LACTB2: variants seen among roughly 807,000 people sequenced by gnomAD.
LACTB2 encodes lactamase beta 2.
Under a neutral mutation model 34.8 loss-of-function variants are expected in LACTB2, and 32 were observed. That is an observed-to-expected ratio of 0.92 (90% confidence interval 0.69 to 1.24). The LOEUF is 1.24. Among genes scored for constraint, LACTB2 ranks in the 50% most tolerant of loss-of-function variants. The probability of loss-of-function intolerance (pLI) is 0.00; values close to 1 mark genes in which losing one functional copy is unlikely to be tolerated. For synonymous variants in LACTB2, 120 were observed against 117.5 expected, an observed-to-expected ratio of 1.02 and a Z score of -0.14; for missense variants, 320 against 345.0, an observed-to-expected ratio of 0.93 and a Z score of 0.57.
intron 3 of LACTB2, among the ~76,000 whole-genome samples, chr8:70,648,981 T>C (rs1255737033): frequency 2.0e-5 from 3 of 152,158 alleles, no homozygotes; most frequent in East Asian, 1.9e-4. Flanking sequence ...GATTTCTCTA[T>C]TGCAATATTG....
At chr8:70,656,913 G>A (rs148308127) in intron 3 of LACTB2, among the ~76,000 whole-genome samples, 229 of 152,224 alleles carry the variant, frequency 1.5e-3, no homozygotes, top group African/African-American at 5.3e-3. Context: ...GATGGTAAAG[G>A]TGAAGAGCAG....
intron 3 of LACTB2, among the ~76,000 whole-genome samples, chr8:70,655,982 C>T (rs940506071): frequency 6.6e-6 from 1 of 152,104 alleles, no homozygotes; most frequent in Non-Finnish European, 1.5e-5. Flanking sequence ...TGTTTGTTGG[C>T]CATTTGCATA....
At chr8:70,646,616 G>GTT (rs71560429) in intron 3 of LACTB2, 2 of 151,578 alleles carry the variant, frequency 1.3e-5, no homozygotes, top group Non-Finnish European at 2.9e-5. Flanking sequence ...CCAATTTTCA[G>GTT]TTTTTGTTGA....
At chr8:70,657,428 A>ATTTTTTTTTTTTTTTTT (rs777806428) in intron 3 of LACTB2, among the ~76,000 whole-genome samples, 2 of 115,822 alleles carry the variant, frequency 1.7e-5, no homozygotes, top group Non-Finnish European at 3.7e-5. Flanking sequence ...CAGATCTTCT[A>ATTTTTTTTTTTTTTTTT]TTTTTTTTTT....
intron 3 of LACTB2, among the ~76,000 whole-genome samples, chr8:70,647,642 T>G (rs1471700708): frequency 1.3e-5 from 2 of 152,168 alleles, no homozygotes; most frequent in Non-Finnish European, 2.9e-5. Flanking sequence ...GAGTGATAAG[T>G]GACTTACCAG....
At position 70,657,806 on chromosome 8, in the gene LACTB2, A is replaced by G. The variant is rs1163900727; in HGVS notation, c.363T>C (p.Tyr121=). The G allele has an allele frequency of 1.6e-5, 25 of 1,612,744 alleles. No homozygotes were observed. In the Admixed American group the frequency reaches 3.3e-4, roughly 22 times the overall value. Residue 121 remains tyrosine, a synonymous_variant, in exon 3 of 7, where the codon TAT becomes TAC. Transcript: ENST00000276590. ...EEIIGNGEQQ[Y]VYLKDGDVIK... is the part of the protein sequence containing the mutation. ...TCACATCTCCATCTTTCAGATAAAC[A>G]TATTGTTGCTCTCCATTTCCTATAA...
In LACTB2 at chr8:70,661,726, C is replaced by T. The variant is rs377597349; in HGVS notation, c.286+8G>A. The stretch of plus-strand genomic sequence containing the variant: ...CCTCAATGAGCTTAATGAATGTTTT[C>T]TGTTTACCATTATTGATGCTTTTAC... On this transcript the variant is annotated splice_region_variant and intron_variant, in intron 2 of 6. Transcript: ENST00000276590. 4.9e-5 allele frequency: 79 copies of T among 1,603,454 alleles called. No individual in the cohort carries two copies. Among genetic ancestry groups the T allele is most frequent in the Non-Finnish European group, 6.7e-5 (79 of 1,176,082 alleles).
chr8:70,650,367 G>A (rs1290618363), intron 3 of LACTB2, among the ~76,000 whole-genome samples: 3 of 152,062 alleles, frequency 2.0e-5, no homozygotes, highest in African/African-American at 7.2e-5. Context: ...GAAACTAAAG[G>A]TTCAGTATTT....
At chr8:70,657,987 T>G (rs919415078) in intron 2 of LACTB2, 105 bp from the exon 3 acceptor site, 6 of 670,034 alleles carry the variant, frequency 9.0e-6, no homozygotes, top group Non-Finnish European at 1.4e-5. Flanking sequence ...GCATAAAATA[T>G]TAACATTAAG....
chr8:70,661,172 C>T (rs1413810045), intron 2 of LACTB2: 1 of 383,472 alleles, frequency 2.6e-6, no homozygotes, highest in Non-Finnish European at 5.2e-6. Context: ...CCCCTTGTGC[C>T]AAGAACACTG....
intron 3 of LACTB2, among the ~76,000 whole-genome samples, chr8:70,652,262 T>C (rs1818352814): frequency 6.6e-6 from 1 of 152,208 alleles, no homozygotes; most frequent in South Asian, 2.1e-4. Flanking sequence ...GTTATTTATA[T>C]AGAGTTGAAC....
chr8:70,640,968 A>G lies in LACTB2; in HGVS notation c.675T>C (p.Leu225=), dbSNP rs1268234048. The change falls in exon 5 of 7, where the codon CTT becomes CTC. Residue 225 remains leucine (L), a synonymous_variant. Transcript: ENST00000276590. The part of the protein sequence containing the change: ...SHRNIREQQI[L]TLFRENFEKS... ...TCTCAAAGTTCTCACGAAATAATGTAAGAATTTGCTGCTCTCGAATATTTC... is the reference window on the plus strand; with the variant it reads ...TCTCAAAGTTCTCACGAAATAATGTGAGAATTTGCTGCTCTCGAATATTTC... 6.2e-7 allele frequency: 1 copy of G among 1,609,838 alleles called. No homozygotes were observed. The highest frequency in any genetic ancestry group is 1.7e-5 in the Admixed American group (1 of 59,166).
At chr8:70,643,916 C>T (rs1818230886) in intron 4 of LACTB2, 149 bp downstream of exon 4, 2 of 647,416 alleles carry the variant, frequency 3.1e-6, no homozygotes, top group Non-Finnish European at 4.4e-6. Flanking sequence ...AAACTACCCA[C>T]TTTGGCATGC....
chr8:70,648,360 A>G (rs1413458685), intron 3 of LACTB2, among the ~76,000 whole-genome samples: 1 of 152,230 alleles, frequency 6.6e-6, no homozygotes, highest in East Asian at 1.9e-4. Flanking sequence ...AAAACAACCA[A>G]ACCCCACAGA....
At chr8:70,638,744 ATT>A (rs377700622) in intron 5 of LACTB2, 115 bp from the exon 6 acceptor site, 6,227 of 623,256 alleles carry the variant, frequency 1.0e-2, no homozygotes, top group South Asian at 0.019. Flanking sequence ...TCTTAAACAC[ATT>A]TTTTTTTTTT....
At chr8:70,639,403 G>A (rs1047711564) in intron 5 of LACTB2, among the ~76,000 whole-genome samples, 5 of 147,644 alleles carry the variant, frequency 3.4e-5, no homozygotes, top group Admixed American at 6.7e-5. Flanking sequence ...CGGGTGATCC[G>A]CCCGCCTCGG....
chr8:70,668,856 G>A, intron 1 of LACTB2, 143 bp downstream of exon 1: 1 of 1,122,706 alleles, frequency 8.9e-7, no homozygotes, highest in South Asian at 1.6e-5. Flanking sequence ...TCTGCGTGCA[G>A]TCCCGACGGG....
chr8:70,655,329 C>T lies in LACTB2; in HGVS notation c.413+2427G>A, dbSNP rs151156194. Among the ~76,000 whole-genome samples, 1,474 of 151,922 alleles carry T rather than the reference C, an allele frequency of 9.7e-3. 23 individuals carry two copies. The highest frequency in any genetic ancestry group is 0.034 in the African/African-American group (1,404 of 41,424). On this transcript the variant is annotated intron_variant, in intron 3 of 6. Transcript: ENST00000276590. ...CTGCCTCCCAGATTCAAGCAATTCT[C>T]CTACCTCAGCCTCCCAAGTAGCTGG...
At chr8:70,657,339 C>T (rs947254439) in intron 3 of LACTB2, among the ~76,000 whole-genome samples, 25 of 151,978 alleles carry the variant, frequency 1.6e-4, no homozygotes, top group African/African-American at 5.8e-4. Flanking sequence ...TCATTTTCTC[C>T]TCCCAGAGTA....
Sources: gnomAD v4.1 joint callset for allele counts (sites outside exome capture counted in the v4.1 genomes callset) on GRCh38, gnomAD v4.1.1 for gene constraint, MANE v1.5 for transcripts, NCBI Gene and HGNC (gene_info 2026-07-23, HGNC 2026-07-21) for gene names.